Variants in GCFC2 observed in about 807,000 individuals in gnomAD.
GCFC2 encodes intron Large complex component GCFC2.
Under a neutral mutation model 99.4 loss-of-function variants are expected in GCFC2, and 102 were observed. The observed-to-expected ratio is 1.03, with a 90% CI of 0.87 to 1.21. The LOEUF is 1.21. Among genes scored for constraint, GCFC2 ranks in the 50% most tolerant of loss-of-function variants. GCFC2 has a pLI of 0.00. For missense variants in GCFC2, 973 were observed against 920.9 expected (o/e 1.06, Z -0.73); for synonymous variants, 338 against 316.8 (o/e 1.07, Z -0.71).
chr2:75,711,812 G>A (rs949645182), upstream of GCFC2, among the ~76,000 whole-genome samples: 2 of 152,248 alleles, frequency 1.3e-5, no homozygotes, highest in Non-Finnish European at 2.9e-5. Flanking sequence ...GCCTTCCCGC[G>A]GTGCAGGGCT....
chr2:75,690,931 G>A, intron 7 of GCFC2: 2 of 409,598 alleles, frequency 4.9e-6, no homozygotes, highest in Non-Finnish European at 8.6e-6. Flanking sequence ...GCCTAAAAAT[G>A]TACTTTGGCT....
intron 11 of GCFC2, among the ~76,000 whole-genome samples, chr2:75,684,788 A>G (rs1425867236): frequency 3.3e-5 from 5 of 152,238 alleles, no homozygotes; most frequent in African/African-American, 1.2e-4. Flanking sequence ...TCACAATAGC[A>G]AAGACTTGGA....
intron 4 of GCFC2, among the ~76,000 whole-genome samples, chr2:75,700,812 T>C (rs776080796): frequency 1.3e-5 from 2 of 152,216 alleles, no homozygotes; most frequent in Non-Finnish European, 2.9e-5. Flanking sequence ...AAAAGAGTCT[T>C]TGTGGTTGTA....
chr2:75,701,235 A>G lies in GCFC2; in HGVS notation c.672T>C (p.Asp224=), dbSNP rs1680575277. Residue 224 remains aspartate, a synonymous_variant, in exon 4 of 17, where the codon GAT becomes GAC. Coordinates refer to ENST00000321027, the MANE Select transcript of GCFC2 (RefSeq NM_003203.5). ...TCCTCATTTGCTGTTGTTCCCAAGTATCTTGCTTTTCATCTTCCTGACTTT... is the reference window on the plus strand; with the variant it reads ...TCCTCATTTGCTGTTGTTCCCAAGTGTCTTGCTTTTCATCTTCCTGACTTT... ...SEESQEDEKQ[D]TWEQQQMRKA... is the part of the protein sequence containing the mutation. The G allele has an allele frequency of 5.0e-6, 8 of 1,609,656 alleles. No homozygotes were observed. The highest frequency in any genetic ancestry group is 6.8e-6 in the Non-Finnish European group (8 of 1,175,960).
chr2:75,670,515 A>C, intron 14 of GCFC2: 4 of 352,026 alleles, frequency 1.1e-5, no homozygotes, highest in Non-Finnish European at 2.1e-5. Context: ...AATCTATCTC[A>C]AATAACTTCA....
At chr2:75,673,291 G>C (rs963008054) in intron 13 of GCFC2, among the ~76,000 whole-genome samples, 153 bp downstream of exon 13, 1 of 151,298 alleles carries the variant, frequency 6.6e-6, no homozygotes, top group Non-Finnish European at 1.5e-5. Context: ...CTGGGCGACA[G>C]AGTGAGACTC....
intron 12 of GCFC2, among the ~76,000 whole-genome samples, chr2:75,679,330 C>A (rs1436698738): frequency 6.6e-6 from 1 of 152,138 alleles, no homozygotes; most frequent in Non-Finnish European, 1.5e-5. Flanking sequence ...TCATTCTACT[C>A]CGGGCATTCT....
intron 11 of GCFC2, 53 bp from the exon 12 acceptor site, chr2:75,680,367 T>A: frequency 6.7e-7 from 1 of 1,484,084 alleles, no homozygotes; most frequent in Middle Eastern, 1.8e-4. Context: ...TGTTTTGCTT[T>A]TCATATACAA....
intron 12 of GCFC2, among the ~76,000 whole-genome samples, chr2:75,674,250 C>T (rs578213490): frequency 6.6e-6 from 1 of 152,198 alleles, no homozygotes; most frequent in South Asian, 2.1e-4. Flanking sequence ...TTTATATACT[C>T]CAGCTGTGGG....
chr2:75,689,825 T>C (rs1679981301), intron 9 of GCFC2, 144 bp downstream of exon 9: 3 of 584,990 alleles, frequency 5.1e-6, no homozygotes, highest in Non-Finnish European at 9.1e-6. Context: ...AAAAGAGTCT[T>C]ACAGAGGAAA....
At chr2:75,707,688 G>A (rs1190213230) in intron 1 of GCFC2, among the ~76,000 whole-genome samples, 1 of 152,132 alleles carries the variant, frequency 6.6e-6, no homozygotes, top group Non-Finnish European at 1.5e-5. Flanking sequence ...AATCCCTGGA[G>A]GTCCTTGAGA....
intron 11 of GCFC2, among the ~76,000 whole-genome samples, chr2:75,682,431 C>A (rs1489255260): frequency 6.6e-6 from 1 of 151,742 alleles, no homozygotes; most frequent in Admixed American, 6.6e-5. Context: ...CCTAAGAGAC[C>A]CCATCTGAAG....
intron 11 of GCFC2, among the ~76,000 whole-genome samples, chr2:75,685,315 A>G (rs753696260): frequency 2.6e-5 from 4 of 152,146 alleles, no homozygotes; most frequent in Non-Finnish European, 5.9e-5. Context: ...CTAAACTTCT[A>G]TCTCCAGTTT....
At chr2:75,711,314 G>T, upstream of GCFC2, 1 of 546,998 alleles carries the variant, frequency 1.8e-6, no homozygotes, top group Non-Finnish European at 2.3e-6. Context: ...GTGAGGCTCG[G>T]GGTAGGAGGA....
At chr2:75,682,790 G>A (rs1438576344) in intron 11 of GCFC2, among the ~76,000 whole-genome samples, 8 of 151,832 alleles carry the variant, frequency 5.3e-5, no homozygotes, top group South Asian at 2.1e-4. Flanking sequence ...TGAGAATGTC[G>A]TGAAGCATAC....
At chr2:75,703,511 T>A (rs978509997) in intron 2 of GCFC2, among the ~76,000 whole-genome samples, 2 of 152,136 alleles carry the variant, frequency 1.3e-5, no homozygotes, top group African/African-American at 4.8e-5. Flanking sequence ...AATAAAGAAA[T>A]CACTAGAAGT....
In GCFC2 at chr2:75,671,955, G is replaced by C. The variant is rs774279515; in HGVS notation, c.1951C>G (p.Leu651Val). The C allele has an allele frequency of 6.4e-7, 1 of 1,566,662 alleles. No homozygotes were observed. The highest frequency in any genetic ancestry group is 1.1e-5 in the South Asian group (1 of 90,012). ...KFQERQFWSG[L>V]KLFRNILLWN... ...TTTTTGCAGTTTTTGCTCACCTTTAGGCCTGACCAGAACTGTCTTTCTTGG... is the reference window on the plus strand; with the variant it reads ...TTTTTGCAGTTTTTGCTCACCTTTACGCCTGACCAGAACTGTCTTTCTTGG... Residue 651 changes from leucine to valine, a missense_variant, in exon 14 of 17, where the codon CTA becomes GTA. Transcript: ENST00000321027.
intron 16 of GCFC2, 150 bp downstream of exon 16, chr2:75,665,779 C>T (rs1180528832): frequency 4.1e-6 from 2 of 482,898 alleles, no homozygotes; most frequent in East Asian, 6.7e-5. Flanking sequence ...TAAGCCATCC[C>T]AAAGGTAACC....
intron 1 of GCFC2, 79 bp from the exon 2 acceptor site, chr2:75,706,730 G>A (rs1680885885): frequency 3.3e-6 from 3 of 919,338 alleles, no homozygotes; most frequent in African/African-American, 1.6e-5. Flanking sequence ...ACAACACATG[G>A]CATATGTATA....
Sources: allele counts gnomAD v4.1 joint callset (sites outside exome capture counted in the v4.1 genomes callset), GRCh38; gene constraint gnomAD v4.1.1; transcripts MANE v1.5; gene names NCBI Gene and HGNC (gene_info 2026-07-23, HGNC 2026-07-21).